The following OR5A2 variants were observed in gnomAD, a reference collection of about 807,000 sequenced individuals.
OR5A2 encodes olfactory receptor 5A2.
For synonymous variants in OR5A2, 155 were observed against 151.1 expected, an observed-to-expected ratio of 1.03 and a Z score of -0.19; for missense variants, 406 against 398.9, an observed-to-expected ratio of 1.02 and a Z score of -0.15.
At position 59,418,562 on chromosome 11, in the gene OR5A2, G is replaced by A. The variant is rs1290399836; in HGVS notation, c.*3417C>T. 6.6e-6 allele frequency: 1 copy of A among 151,892 alleles called. No individual in the cohort carries two copies. Among genetic ancestry groups the A allele is most frequent in the East Asian group, 1.9e-4 (1 of 5,176 alleles). 9.4% of individuals were successfully genotyped at this position (151,892 alleles called of 1,614,324 possible). The stretch of plus-strand genomic sequence containing the variant: ...GCTATAAAATGCCTGATTCCTTAAG[G>A]GCCCAAAATATTCTGTTTAATGTGT... On this transcript the variant is annotated 3_prime_UTR_variant, in exon 2 of 2. Transcript: ENST00000302040.
chr11:59,421,108 C>T lies in OR5A2; in HGVS notation c.*871G>A, dbSNP rs2134521874. ...ACAGGAAGCATGGTGCTGGCATCAG[C>T]TTAGCTTCTAGGGAGGCCTCAGGAA... is the stretch of plus-strand genomic sequence containing the variant. On this transcript the variant is annotated 3_prime_UTR_variant, in exon 2 of 2. Transcript: ENST00000302040. The T allele has an allele frequency of 6.5e-6, 1 of 152,760 alleles. No individual in the cohort carries two copies. Among genetic ancestry groups the T allele is most frequent in the East Asian group, 1.9e-4 (1 of 5,192 alleles). The allele number at this position is 152,760 out of a possible 1,614,324, so 9.5% of individuals were successfully genotyped here. A position where few individuals can be genotyped will look rare whatever the true frequency, so the allele number is the denominator to read the frequency against.
At position 59,422,247 on chromosome 11, in the gene OR5A2, GT is replaced by G; in HGVS notation, c.706del (p.Thr236GlnfsTer11). 1 of 1,614,130 alleles carries G rather than the reference GT, an allele frequency of 6.2e-7. No individual in the cohort carries two copies. Among genetic ancestry groups the G allele is most frequent in the Non-Finnish European group, 8.5e-7 (1 of 1,180,022 alleles). Reference sequence around the variant, plus strand: ...AGAGGCACAAGTGCTGAAGGCCTTTGTCCTACCTGTAGCTGAGCTGATCTTC... The same window carrying G: ...AGAGGCACAAGTGCTGAAGGCCTTTGCCTACCTGTAGCTGAGCTGATCTTC... ...VVKISSATGR[T>X]KAFSTCASHL... On this transcript the variant is annotated frameshift_variant, in exon 2 of 2. Coordinates refer to ENST00000302040, the MANE Select transcript of OR5A2 (RefSeq NM_001001954.2). LOFTEE classifies it low-confidence loss of function (END_TRUNC).
chr11:59,422,500 C>T lies in OR5A2; in HGVS notation c.454G>A (p.Gly152Ser). Residue 152 changes from glycine (G) to serine (S), a missense_variant, in exon 2 of 2, where the codon GGT (glycine) becomes AGT (serine). Physicochemically the swap from Gly to Ser is moderately conservative, Grantham distance 56 (BLOSUM62 0). Coordinates refer to ENST00000302040, the MANE Select transcript of OR5A2 (RefSeq NM_001001954.2). ...TCAATGAAAGAACTAAGGAATCCAC[C>T]CACATAGGCGCCAACCACCATCTTT... ...CLKMVVGAYV[G>S]GFLSSFIETY... The T allele has an allele frequency of 1.2e-6, 2 of 1,614,080 alleles. No individual in the cohort carries two copies. The highest frequency in any genetic ancestry group is 1.7e-6 in the Non-Finnish European group (2 of 1,180,014).
chr11:59,424,518 G>A (rs1858271163), intron 1 of OR5A2: 2 of 152,112 alleles, frequency 1.3e-5, no homozygotes, highest in African/African-American at 4.8e-5. Flanking sequence ...AGCCCAGGAG[G>A]TCTAGGCTGC....
In OR5A2 at chr11:59,422,160, G is replaced by T. The variant is rs1410155098; in HGVS notation, c.794C>A (p.Ser265Tyr). 1 of 1,614,076 alleles carries T rather than the reference G, an allele frequency of 6.2e-7. No homozygotes were observed. The highest frequency in any genetic ancestry group is 1.1e-5 in the South Asian group (1 of 91,084). ...SGFFMYMRPS[S>Y]SYSLNRDKVV... ...CTTGTCCCTGTTTAGGGAGTAGCTGGAACTGGGTCGCATGTACATGAAGAA... is the reference window on the plus strand; with the variant it reads ...CTTGTCCCTGTTTAGGGAGTAGCTGTAACTGGGTCGCATGTACATGAAGAA... Residue 265 changes from serine to tyrosine, a missense_variant, in exon 2 of 2, where the codon TCC (serine) becomes TAC (tyrosine). Coordinates refer to ENST00000302040, the MANE Select transcript of OR5A2 (RefSeq NM_001001954.2).
At position 59,420,368 on chromosome 11, in the gene OR5A2, A is replaced by G. The variant is rs1044116956; in HGVS notation, c.*1611T>C. The G allele has an allele frequency of 2.0e-5, 3 of 152,134 alleles. No individual in the cohort carries two copies. The highest frequency in any genetic ancestry group is 4.4e-5 in the Non-Finnish European group (3 of 68,032). 9.4% of individuals were successfully genotyped at this position (152,134 alleles called of 1,614,324 possible). ...GCAATAAAGCCATTGCAAAAATTACATTTCCTACCAAACTAAGGAAATCTC... is the reference window on the plus strand; with the variant it reads ...GCAATAAAGCCATTGCAAAAATTACGTTTCCTACCAAACTAAGGAAATCTC... On this transcript the variant is annotated 3_prime_UTR_variant, in exon 2 of 2. Transcript: ENST00000302040.
In OR5A2 at chr11:59,418,616, A is replaced by T. The variant is rs996446552; in HGVS notation, c.*3363T>A. 1.3e-5 allele frequency: 2 copies of T among 152,086 alleles called. No homozygotes were observed. The allele number at this position is 152,086 out of a possible 1,614,324, so 9.4% of individuals were successfully genotyped here. On this transcript the variant is annotated 3_prime_UTR_variant, in exon 2 of 2. Transcript: ENST00000302040. ...TGATTATATGCCCCATAATAAATAC[A>T]CTTGTTTAGGAAATATTTAACATGT...
Position 59,422,438 on chromosome 11 carries a change from G to C in OR5A2, c.516C>G (p.Pro172=), listed in dbSNP as rs201431612. The part of the protein sequence containing the change: ...YSVYQHDFCG[P]YMINHFFCDL... ...CACAGAAAAAGTGGTTGATCATATA[G>C]GGCCCACAGAAATCATGCTGATAGA... Residue 172 remains proline (P), a synonymous_variant, in exon 2 of 2, where the codon CCC becomes CCG. Coordinates refer to ENST00000302040, the MANE Select transcript of OR5A2 (RefSeq NM_001001954.2). The C allele has an allele frequency of 1.2e-5, 19 of 1,614,150 alleles. No individual in the cohort carries two copies. Among genetic ancestry groups the C allele is most frequent in the African/African-American group, 4.0e-5 (3 of 75,054 alleles).
rs548646002 is a variant in OR5A2, at chr11:59,422,284, C to T, written c.670G>A (p.Ala224Thr). The T allele has an allele frequency of 2.0e-5, 32 of 1,614,044 alleles. No homozygotes were observed. The East Asian group carries it at 6.7e-4, about 34-fold the overall frequency. Residue 224 changes from alanine (A) to threonine (T), a missense_variant, in exon 2 of 2, where the codon GCT (alanine) becomes ACT (threonine). Transcript: ENST00000302040. ...GCTGAGCTGATCTTCACAACAGCAGCAACAATGTAACCATAAGAGATGAGG... is the reference window on the plus strand; with the variant it reads ...GCTGAGCTGATCTTCACAACAGCAGTAACAATGTAACCATAAGAGATGAGG... ...VVLISYGYIV[A>T]AVVKISSATG...
Position 59,421,974 on chromosome 11 carries a change from A to C in OR5A2, c.*5T>G. The C allele has an allele frequency of 6.3e-7, 1 of 1,584,650 alleles. No homozygotes were observed. ...TTCACCTAGCTCACAGCTTCATTGTAAACATTAGCCCAAGGTCATAAAAAT... is the reference window on the plus strand; with the variant it reads ...TTCACCTAGCTCACAGCTTCATTGTCAACATTAGCCCAAGGTCATAAAAAT... On this transcript the variant is annotated 3_prime_UTR_variant, in exon 2 of 2. Transcript: ENST00000302040.
intron 1 of OR5A2, 161 bp from the exon 2 acceptor site, chr11:59,423,205 C>T: frequency 2.5e-6 from 1 of 406,366 alleles, no homozygotes; most frequent in Non-Finnish European, 4.4e-6. Flanking sequence ...AAAGTAGAAA[C>T]TGATTGGGAG....
In OR5A2 at chr11:59,422,920, T is replaced by C; in HGVS notation, c.34A>G (p.Lys12Glu). ...TCTGAAAGTCCCAGGAGAATGAATT[T>C]TGTCACAATTGTGTTGTTCCTTCCT... ...AVGRNNTIVT[K>E]FILLGLSDHP... Residue 12 changes from lysine (K) to glutamate (E), a missense_variant, in exon 2 of 2, where the codon AAA (lysine) becomes GAA (glutamate). Lys to Glu is a moderately conservative substitution (Grantham distance 56, BLOSUM62 1). Coordinates refer to ENST00000302040, the MANE Select transcript of OR5A2 (RefSeq NM_001001954.2). The C allele has an allele frequency of 6.2e-7, 1 of 1,614,030 alleles. No individual in the cohort carries two copies. Among genetic ancestry groups the C allele is most frequent in the Admixed American group, 1.7e-5 (1 of 60,024 alleles).
In OR5A2 at chr11:59,421,655, C is replaced by T. The variant is rs548026694; in HGVS notation, c.*324G>A. On this transcript the variant is annotated 3_prime_UTR_variant, in exon 2 of 2. Transcript: ENST00000302040. ...TTATACCATGTTGTACCTTAAATAT[C>T]ACCACACTAAATGCTGGACTAACAT... 1 of 238,438 alleles carries T rather than the reference C, an allele frequency of 4.2e-6. No individual in the cohort carries two copies. Among genetic ancestry groups the T allele is most frequent in the Admixed American group, 4.9e-5 (1 of 20,208 alleles). 14.8% of individuals were successfully genotyped at this position (238,438 alleles called of 1,614,324 possible). A position where few individuals can be genotyped will look rare whatever the true frequency, so the allele number is the denominator to read the frequency against.
rs1590608074 is a variant in OR5A2 at position 59,426,267 on chromosome 11, T to C, written c.-188A>G. ...ATAACATCTTTTGCAAACCAGATCA[T>C]CTGCATTTCCCACTGCTCCATGGCT... On this transcript the variant is annotated 5_prime_UTR_variant, in exon 1 of 2. An upstream start codon of the reference 5' UTR is lost. Coordinates refer to ENST00000302040, the MANE Select transcript of OR5A2 (RefSeq NM_001001954.2). 6.6e-6 allele frequency: 1 copy of C among 152,362 alleles called. No homozygotes were observed. Among genetic ancestry groups the C allele is most frequent in the East Asian group, 1.9e-4 (1 of 5,188 alleles). The allele number at this position is 152,362 out of a possible 1,614,324, so 9.4% of individuals were successfully genotyped here.
rs1459632010 is a variant in OR5A2, at chr11:59,420,408, T to C, written c.*1571A>G. 1 of 152,186 alleles carries C rather than the reference T, an allele frequency of 6.6e-6. No homozygotes were observed. Among genetic ancestry groups the C allele is most frequent in the African/African-American group, 2.4e-5 (1 of 41,448 alleles). The allele number at this position is 152,186 out of a possible 1,614,324, so 9.4% of individuals were successfully genotyped here. A position where few individuals can be genotyped will look rare whatever the true frequency, so the allele number is the denominator to read the frequency against. On this transcript the variant is annotated 3_prime_UTR_variant, in exon 2 of 2. Transcript: ENST00000302040. Reference sequence around the variant, plus strand: ...AAGGAAATCTCTTCTATTTCTTCTATTTGGATAATGATTAAGCATTATATA... The same window carrying C: ...AAGGAAATCTCTTCTATTTCTTCTACTTGGATAATGATTAAGCATTATATA...
Position 59,420,518 on chromosome 11 carries a change from A to G in OR5A2, c.*1461T>C, listed in dbSNP as rs1022784229. 6.6e-6 allele frequency: 1 copy of G among 152,132 alleles called. No homozygotes were observed. Among genetic ancestry groups the G allele is most frequent in the African/African-American group, 2.4e-5 (1 of 41,428 alleles). The allele number at this position is 152,132 out of a possible 1,614,324, so 9.4% of individuals were successfully genotyped here. The stretch of plus-strand genomic sequence containing the variant: ...GTATTTACATGTACTGACTCATTTA[A>G]TTCTTCACAATAGTCCTAGGATAAA... On this transcript the variant is annotated 3_prime_UTR_variant, in exon 2 of 2. Coordinates refer to ENST00000302040, the MANE Select transcript of OR5A2 (RefSeq NM_001001954.2).
intron 1 of OR5A2, chr11:59,425,266 G>C (rs560382603): frequency 2.0e-5 from 3 of 152,312 alleles, no homozygotes; most frequent in African/African-American, 7.2e-5. Flanking sequence ...GAATCAAATG[G>C]GTCGAAGTGA....
rs1038624273 is a variant in OR5A2, at chr11:59,417,707, T to C, written c.*4272A>G. The C allele has an allele frequency of 2.0e-5, 3 of 152,082 alleles. No individual in the cohort carries two copies. The highest frequency in any genetic ancestry group is 7.2e-5 in the African/African-American group (3 of 41,432). 9.4% of individuals were successfully genotyped at this position (152,082 alleles called of 1,614,324 possible). A position where few individuals can be genotyped will look rare whatever the true frequency, so the allele number is the denominator to read the frequency against. On this transcript the variant is annotated 3_prime_UTR_variant, in exon 2 of 2. Coordinates refer to ENST00000302040, the MANE Select transcript of OR5A2 (RefSeq NM_001001954.2). ...AAGTGAAATACAAATGATTCCTCAT[T>C]TCTGTGGATGATCACAGAGTAGGCA...
At position 59,421,602 on chromosome 11, in the gene OR5A2, T is replaced by A. The variant is rs1007528973; in HGVS notation, c.*377A>T. 1 of 170,874 alleles carries A rather than the reference T, an allele frequency of 5.9e-6. No homozygotes were observed. Among genetic ancestry groups the A allele is most frequent in the African/African-American group, 2.4e-5 (1 of 41,920 alleles). 10.6% of individuals were successfully genotyped at this position (170,874 alleles called of 1,614,324 possible). The stretch of plus-strand genomic sequence containing the variant: ...CAGAAGAGGGAAAGGCAACTGTGTT[T>A]AGAAAAAACATCATCCTCTTCAGGT... On this transcript the variant is annotated 3_prime_UTR_variant, in exon 2 of 2. Transcript: ENST00000302040.
Sources: allele counts gnomAD v4.1 joint callset, GRCh38; gene constraint gnomAD v4.1.1; transcripts MANE v1.5; gene names NCBI Gene and HGNC (gene_info 2026-07-23, HGNC 2026-07-21).